CRNKL1: variants seen among roughly 807,000 people sequenced by gnomAD.
CRNKL1 encodes the protein crooked neck pre-mRNA splicing factor 1.
Under a neutral mutation model 103.7 loss-of-function variants are expected in CRNKL1, and 35 were observed. That is an observed-to-expected ratio of 0.34 (90% CI 0.26 to 0.45). The LOEUF (loss-of-function observed/expected upper bound fraction) is 0.45, where lower values mean the gene tolerates loss of function less well. Among genes scored for constraint, CRNKL1 ranks in the 20% least tolerant of loss-of-function variants. The probability of loss-of-function intolerance (pLI) is 1.00; values close to 1 mark genes in which losing one functional copy is unlikely to be tolerated. For synonymous variants in CRNKL1, 267 were observed against 282.6 expected (o/e 0.94, Z 0.55); for missense variants, 645 against 836.0 (o/e 0.77, Z 2.82).
Position 20,039,614 on chromosome 20 carries a change from G to C in CRNKL1, c.1540C>G (p.Pro514Ala). ...ATTTGACTTGAGATGCTCACCTCTG[G>C]CATGTCTAAACGTGGCTGACTGATG... ...LAISQPRLDM[P>A]EVLWKSYIDF... Residue 514 changes from proline (P) to alanine (A), a missense_variant, in exon 11 of 14, where the codon CCA (proline) becomes GCA (alanine). Pro to Ala is a conservative substitution (Grantham distance 27, BLOSUM62 -1). This residue lies in a region of CRNKL1 where 582 missense variants were observed against 707.7 expected (regional missense o/e 0.82). Coordinates refer to ENST00000536226, the MANE Select transcript of CRNKL1 (RefSeq NM_001278628.2). The C allele has an allele frequency of 6.2e-7, 1 of 1,614,070 alleles. No homozygotes were observed. The highest frequency in any genetic ancestry group is 1.1e-5 in the South Asian group (1 of 91,068).
At chr20:20,055,822 G>T, upstream of CRNKL1, 2 of 701,462 alleles carry the variant, frequency 2.9e-6, no homozygotes, top group Non-Finnish European at 5.0e-6. Flanking sequence ...TCCCTGTTTT[G>T]AGCTCACTGG....
chr20:20,043,726 G>T, intron 6 of CRNKL1, 64 bp from the exon 7 acceptor site: 1 of 1,457,010 alleles, frequency 6.9e-7, no homozygotes, highest in Non-Finnish European at 9.5e-7. Context: ...ACAACTAGGA[G>T]AGTAAATATA....
In CRNKL1 at chr20:20,049,348, C is replaced by T. The variant is rs763692822; in HGVS notation, c.288G>A (p.Glu96=). 1 of 1,549,772 alleles carries T rather than the reference C, an allele frequency of 6.5e-7. No individual in the cohort carries two copies. Among genetic ancestry groups the T allele is most frequent in the South Asian group, 1.1e-5 (1 of 87,590 alleles). ...ACTCTCAGTAATTTTACCTTTGAAT[C>T]TCCTTTAGGCTTTCTTCCCATTGTG... ...KYAQWEESLK[E]IQRARSIYER... is the part of the protein sequence containing the mutation. Residue 96 remains glutamate (E), a synonymous_variant, in exon 3 of 14, where the codon GAG becomes GAA. Coordinates refer to ENST00000536226, the MANE Select transcript of CRNKL1 (RefSeq NM_001278628.2).
upstream of CRNKL1, chr20:20,052,724 T>G (rs775020348): frequency 3.1e-6 from 5 of 1,601,496 alleles, no homozygotes; most frequent in Non-Finnish European, 4.3e-6. Flanking sequence ...CGTGGCGCCC[T>G]GCAAGGGAGT....
chr20:20,041,691 A>T (rs2043516958), intron 8 of CRNKL1, 66 bp from the exon 9 acceptor site: 1 of 1,149,866 alleles, frequency 8.7e-7, no homozygotes, highest in Non-Finnish European at 1.3e-6. Context: ...TTTACTAGTT[A>T]CTAATTTTAC....
intron 2 of CRNKL1, among the ~76,000 whole-genome samples, 157 bp from the exon 3 acceptor site, chr20:20,049,588 C>A (rs1010348503): frequency 2.6e-5 from 4 of 152,210 alleles, no homozygotes; most frequent in African/African-American, 9.6e-5. Flanking sequence ...AAACCCACTA[C>A]AGAAGGTTAC....
chr20:20,044,497 CCAATGAACATTT>C (rs2043563854), intron 6 of CRNKL1, among the ~76,000 whole-genome samples: 3 of 152,162 alleles, frequency 2.0e-5, no homozygotes, highest in African/African-American at 7.2e-5. Flanking sequence ...CTGAAATGTT[CCAATGAACATTT>C]CCTTCGAGTG....
Position 20,050,614 on chromosome 20 carries a change from GT to G in CRNKL1, c.59del (p.Asn20ThrfsTer9). 1 of 1,597,742 alleles carries G rather than the reference GT, an allele frequency of 6.3e-7. No individual in the cohort carries two copies. Among genetic ancestry groups the G allele is most frequent in the Admixed American group, 1.8e-5 (1 of 55,948 alleles). ...QRIPKVAKVK[N>X]KAPAEVQITA... ...TTATCTGTACCTCAGCCGGGGCTTT[GT>G]TTTTCACCTTTTAAGAAAGAAGACA... is the stretch of plus-strand genomic sequence containing the variant. On this transcript the variant is annotated frameshift_variant, in exon 2 of 14. Transcript: ENST00000536226. LOFTEE classifies it high-confidence loss of function.
Position 20,052,431 on chromosome 20 carries a change from G to C in CRNKL1, c.-89C>G, listed in dbSNP as rs144315980. 11 of 1,614,224 alleles carry C rather than the reference G, an allele frequency of 6.8e-6. No individual in the cohort carries two copies. In the African/African-American group the frequency reaches 8.0e-5, roughly 12 times the overall value. On this transcript the variant is annotated 5_prime_UTR_variant, in exon 1 of 14. Coordinates refer to ENST00000536226, the MANE Select transcript of CRNKL1 (RefSeq NM_001278628.2). ...GCTCACCGAAACCACAAAGCTTTCA[G>C]AAAACAAACAGGATCTCGGAACCGG...
chr20:20,042,127 C>T (rs1456266096), intron 8 of CRNKL1, among the ~76,000 whole-genome samples, 198 bp downstream of exon 8: 1 of 152,176 alleles, frequency 6.6e-6, no homozygotes, highest in Non-Finnish European at 1.5e-5. Flanking sequence ...AAAAAAGCCC[C>T]TCACGTGTGG....
intron 12 of CRNKL1, 95 bp from the exon 13 acceptor site, chr20:20,037,666 G>A (rs2043443277): frequency 8.4e-7 from 1 of 1,189,746 alleles, no homozygotes; most frequent in African/African-American, 1.5e-5. Flanking sequence ...AATGACATCG[G>A]AAAGTAATGT....
At chr20:20,043,163 G>A (rs2043542192) in intron 7 of CRNKL1, among the ~76,000 whole-genome samples, 1 of 152,150 alleles carries the variant, frequency 6.6e-6, no homozygotes, top group African/African-American at 2.4e-5. Flanking sequence ...CAGGTTTTTG[G>A]ACCAATCTCT....
rs1312889605 is a variant in CRNKL1 at position 20,036,321 on chromosome 20, T to A, written c.1938A>T (p.Pro646=). 6.2e-7 allele frequency: 1 copy of A among 1,614,110 alleles called. No homozygotes were observed. Among genetic ancestry groups the A allele is most frequent in the South Asian group, 1.1e-5 (1 of 91,092 alleles). Reference sequence around the variant, plus strand: ...GGTTAGGTTGGTTGGCAGCATCTTCTGGAAAGATGTAATCAAAGTATTCTT... The same window carrying A: ...GGTTAGGTTGGTTGGCAGCATCTTCAGGAAAGATGTAATCAAAGTATTCTT... The part of the protein sequence containing the change: ...GWEEYFDYIF[P]EDAANQPNLK... The change falls in exon 14 of 14, where the codon CCA becomes CCT. Residue 646 remains proline, a synonymous_variant. Coordinates refer to ENST00000536226, the MANE Select transcript of CRNKL1 (RefSeq NM_001278628.2).
Position 20,036,211 on chromosome 20 carries a change from T to G in CRNKL1, c.2048A>C (p.Asp683Ala), listed in dbSNP as rs372455448. ...DAEHHPDEDVDESES is the reference protein window; with the variant it reads ...DAEHHPDEDVAESES ...AAAAAAAGATCAGGATTCACTCTCA[T>G]CGACGTCCTCATCTGGATGGTGCTC... Residue 683 changes from aspartate to alanine, a missense_variant, in exon 14 of 14, where the codon GAT becomes GCT. This residue lies in a region of CRNKL1 where 582 missense variants were observed against 707.7 expected (regional missense o/e 0.82). Transcript: ENST00000536226. 1.7e-5 allele frequency: 27 copies of G among 1,614,110 alleles called. 1 individual carries two copies. The African/African-American group carries it at 2.8e-4, about 17-fold the overall frequency.
At position 20,052,424 on chromosome 20, in the gene CRNKL1, G is replaced by A. The variant is rs766589968; in HGVS notation, c.-82C>T. ...TCTGAGAGCTCACCGAAACCACAAA[G>A]CTTTCAGAAAACAAACAGGATCTCG... On this transcript the variant is annotated 5_prime_UTR_variant, in exon 1 of 14. Transcript: ENST00000536226. The A allele has an allele frequency of 3.1e-6, 5 of 1,614,204 alleles. No individual in the cohort carries two copies. The highest frequency in any genetic ancestry group is 2.2e-5 in the East Asian group (1 of 44,876).
chr20:20,038,238 TAAAAA>T (rs11329914), intron 12 of CRNKL1, 106 bp downstream of exon 12: 5 of 520,458 alleles, frequency 9.6e-6, no homozygotes, highest in Admixed American at 3.9e-5. Context: ...AGGAAGTCAT[TAAAAA>T]AAAAAAAAAA....
rs770613317 is a variant in CRNKL1, at chr20:20,039,731, C to T, written c.1423G>A (p.Gly475Arg). 8.7e-6 allele frequency: 14 copies of T among 1,614,068 alleles called. No homozygotes were observed. The highest frequency in any genetic ancestry group is 1.7e-5 in the Admixed American group (1 of 60,002). ...ATCCATGAGGTACAATTTTCAGGTC[C>T]AAATTCCAGGAACTTTTCATAAAGC... ...RKLYEKFLEF[G>R]PENCTSWIKF... Residue 475 changes from glycine to arginine, a missense_variant, in exon 11 of 14, where the codon GGA becomes AGA. Coordinates refer to ENST00000536226, the MANE Select transcript of CRNKL1 (RefSeq NM_001278628.2).
Position 20,049,411 on chromosome 20 carries a change from T to C in CRNKL1, c.225A>G (p.Arg75=), listed in dbSNP as rs748431613. 5 of 1,595,466 alleles carry C rather than the reference T, an allele frequency of 3.1e-6. No homozygotes were observed. The East Asian group carries it at 8.9e-5, about 29-fold the overall frequency. ...RKRKTFEDNI[R]KNRTVISNWI... is the part of the protein sequence containing the mutation. ...AGTTACTAATCACAGTCCTGTTTTT[T>C]CTTATATTATCTTCAAAAGTCTGGA... Residue 75 remains arginine (R), a synonymous_variant, in exon 3 of 14, where the codon AGA becomes AGG. Coordinates refer to ENST00000536226, the MANE Select transcript of CRNKL1 (RefSeq NM_001278628.2).
chr20:20,039,903 A>G, intron 10 of CRNKL1, 55 bp from the exon 11 acceptor site: 2 of 1,583,798 alleles, frequency 1.3e-6, no homozygotes, highest in South Asian at 1.1e-5. Flanking sequence ...TAATCTGTGC[A>G]GTTATTGCAC....
Sources: gnomAD v4.1 joint callset for allele counts (sites outside exome capture counted in the v4.1 genomes callset) on GRCh38, gnomAD v4.1.1 for gene constraint, gnomAD v4.1.1 regional missense constraint, MANE v1.5 for transcripts, NCBI Gene and HGNC (gene_info 2026-07-23, HGNC 2026-07-21) for gene names.